The following GSE1 variants were observed in gnomAD, a reference collection of about 807,000 sequenced individuals.
GSE1 encodes the protein genetic suppressor element 1.
Under a neutral mutation model 112.6 loss-of-function variants are expected in GSE1, and 32 were observed. That is an observed-to-expected ratio of 0.28 (90% CI 0.21 to 0.38). The LOEUF is 0.38. Among genes scored for constraint, GSE1 ranks in the 10% least tolerant of loss-of-function variants. GSE1 has a pLI of 1.00. For missense variants in GSE1, 2,348 were observed against 1,699.2 expected (o/e 1.38, Z -6.71); for synonymous variants, 1,115 against 735.6 (o/e 1.52, Z -8.35).
intron 1 of GSE1, among the ~76,000 whole-genome samples, chr16:85,284,689 G>A (rs7187869): frequency 0.27 from 40,367 of 151,888 alleles, 5,934 homozygotes; most frequent in Non-Finnish European, 0.34. Context: ...GGATGTGATC[G>A]TTCAGGCTGG....
At chr16:85,598,673 G>A (rs543905426) in intron 1 of GSE1, among the ~76,000 whole-genome samples, 1 of 152,376 alleles carries the variant, frequency 6.6e-6, no homozygotes, top group East Asian at 1.9e-4. Flanking sequence ...TCCAGGCCAC[G>A]TGGGCCTCCC....
At chr16:85,493,209 A>T (rs1306510632) in intron 2 of GSE1, among the ~76,000 whole-genome samples, 1 of 152,200 alleles carries the variant, frequency 6.6e-6, no homozygotes, top group Admixed American at 6.5e-5. Flanking sequence ...AAGACTCTGT[A>T]TTAGCTGAGG....
intron 1 of GSE1, among the ~76,000 whole-genome samples, chr16:85,275,109 C>T (rs1004872604): frequency 3.9e-5 from 6 of 152,206 alleles, no homozygotes; most frequent in Non-Finnish European, 8.8e-5. Flanking sequence ...GGAGCATCAG[C>T]CGATCCGCAG....
At chr16:85,429,328 G>A (rs141804095) in intron 2 of GSE1, among the ~76,000 whole-genome samples, 3 of 152,354 alleles carry the variant, frequency 2.0e-5, no homozygotes, top group African/African-American at 7.2e-5. Context: ...GCATGGAGGA[G>A]CTCCCCGCAG....
intron 2 of GSE1, among the ~76,000 whole-genome samples, chr16:85,447,161 C>T (rs368802355): frequency 2.6e-5 from 4 of 152,122 alleles, no homozygotes; most frequent in South Asian, 2.1e-4. Flanking sequence ...GGGGCCATGC[C>T]GGGCCCACCT....
At chr16:85,499,734 T>C (rs1168095611) in intron 2 of GSE1, among the ~76,000 whole-genome samples, 3 of 152,224 alleles carry the variant, frequency 2.0e-5, no homozygotes, top group Non-Finnish European at 4.4e-5. Flanking sequence ...TTTAAAAATT[T>C]ACATAAAAGG....
At chr16:85,182,738 A>G (rs1221815933) in intron 1 of GSE1, among the ~76,000 whole-genome samples, 2 of 152,118 alleles carry the variant, frequency 1.3e-5, no homozygotes, top group African/African-American at 4.8e-5. Context: ...GGCCAAGCCA[A>G]CAGGCGTGCT....
chr16:85,182,228 G>A (rs1004970789), intron 1 of GSE1, among the ~76,000 whole-genome samples: 11 of 152,308 alleles, frequency 7.2e-5, no homozygotes, highest in Admixed American at 5.9e-4. Context: ...GCCATCGTGG[G>A]AACAATACCC....
At chr16:85,658,694 C>T (rs758408493) in intron 8 of GSE1, among the ~76,000 whole-genome samples, 1 of 152,230 alleles carries the variant, frequency 6.6e-6, no homozygotes, top group Non-Finnish European at 1.5e-5. Context: ...CAGCCCCCGT[C>T]CCTGAGGCCT....
intron 2 of GSE1, among the ~76,000 whole-genome samples, chr16:85,486,497 G>A (rs1354008792): frequency 3.3e-5 from 5 of 152,246 alleles, no homozygotes; most frequent in African/African-American, 1.2e-4. Flanking sequence ...GCACTAGGTG[G>A]CTCCGTTCGG....
chr16:85,400,249 TTGTG>T (rs60393248), intron 2 of GSE1, among the ~76,000 whole-genome samples: 71,557 of 150,500 alleles, frequency 0.48, 18,505 homozygotes, highest in Middle Eastern at 0.69. Flanking sequence ...AAGTGTAGGG[TTGTG>T]TGTGTGTGTG....
chr16:85,448,409 A>G (rs2049573477), intron 2 of GSE1, among the ~76,000 whole-genome samples: 1 of 152,180 alleles, frequency 6.6e-6, no homozygotes, highest in Admixed American at 6.5e-5. Context: ...AAAAGCAGAG[A>G]GGCCAGCTGC....
At chr16:85,654,124 GCACCA>G (rs2051690509) in intron 3 of GSE1, among the ~76,000 whole-genome samples, 149 bp from the exon 4 acceptor site, 1 of 152,140 alleles carries the variant, frequency 6.6e-6, no homozygotes, top group Admixed American at 6.5e-5. Context: ...CACACCACAT[GCACCA>G]TGTTTTGCGT....
intron 1 of GSE1, among the ~76,000 whole-genome samples, chr16:85,227,985 G>T (rs1206821302): frequency 6.6e-6 from 1 of 152,236 alleles, no homozygotes; most frequent in East Asian, 1.9e-4. Flanking sequence ...CTCAGGAGGG[G>T]GTGTGGTGGG....
At chr16:85,478,912 TTTCTTTCTTTCTTTCTCTTTCTTTCTTTC>T (rs2050572757) in intron 2 of GSE1, among the ~76,000 whole-genome samples, 1 of 64,290 alleles carries the variant, frequency 1.6e-5, no homozygotes, top group Non-Finnish European at 2.8e-5. Context: ...TCTTTCTTTC[TTTCTTTCTTTCTTTCTCTTTCTTTCTTTC>T]TTTCTTTTTT....
chr16:85,582,413 T>C (rs563298967), intron 1 of GSE1, among the ~76,000 whole-genome samples: 1 of 152,284 alleles, frequency 6.6e-6, no homozygotes, highest in East Asian at 1.9e-4. Flanking sequence ...GAATGCTAAG[T>C]GCAGGAGAGG....
chr16:85,632,048 A>C (rs1157829438), intron 1 of GSE1, among the ~76,000 whole-genome samples: 1 of 152,154 alleles, frequency 6.6e-6, no homozygotes, highest in Non-Finnish European at 1.5e-5. Flanking sequence ...CATTTTCTGG[A>C]AGTGAGGCTG....
chr16:85,615,353 C>CCTAAGAG (rs1427017361), intron 1 of GSE1, among the ~76,000 whole-genome samples: 1 of 152,260 alleles, frequency 6.6e-6, no homozygotes, highest in Non-Finnish European at 1.5e-5. Context: ...CTCGGTGCTT[C>CCTAAGAG]CTAAGAGACT....
intron 1 of GSE1, among the ~76,000 whole-genome samples, chr16:85,328,794 C>T (rs1450326397): frequency 7.5e-6 from 1 of 134,086 alleles, no homozygotes; most frequent in African/African-American, 3.0e-5. Context: ...TGCGGCTGGG[C>T]GTCCCCGCCC....
Sources: gnomAD v4.1 joint callset for allele counts (sites outside exome capture counted in the v4.1 genomes callset) on GRCh38, gnomAD v4.1.1 for gene constraint, MANE v1.5 for transcripts, NCBI Gene and HGNC (gene_info 2026-07-23, HGNC 2026-07-21) for gene names.